The following TACC2 variants were observed in gnomAD, a reference collection of about 807,000 sequenced individuals.
The protein encoded by TACC2 is transforming acidic coiled-coil-containing protein 2.
Under a neutral mutation model 227.3 loss-of-function variants are expected in TACC2, and 137 were observed. The observed-to-expected ratio is 0.60, with a 90% CI of 0.52 to 0.69. The LOEUF (loss-of-function observed/expected upper bound fraction) is 0.69, where lower values mean the gene tolerates loss of function less well. Ranked by LOEUF, TACC2 falls within the 30% of genes least tolerant of loss-of-function variation. The probability of loss-of-function intolerance (pLI) is 0.00; values close to 1 mark genes in which losing one functional copy is unlikely to be tolerated. For synonymous variants in TACC2, 1,523 were observed against 1,487.5 expected, an observed-to-expected ratio of 1.02 and a Z score of -0.55; for missense variants, 3,470 against 3,694.4, an observed-to-expected ratio of 0.94 and a Z score of 1.57.
In TACC2 at chr10:122,050,156, G is replaced by T. The variant is rs2075512555; in HGVS notation, c.34-282G>T. On this transcript the variant is annotated intron_variant, in intron 2 of 22. Transcript: ENST00000369005. The surrounding 1 kb of genome is among the most constrained non-coding windows in gnomAD (Gnocchi z 4.6). ...GAGCAAGTGACCCCAAAGTGTGGTA[G>T]GTGTCCCCAGTTTTGGTTTTTCTAC... Among the ~76,000 whole-genome samples, 1 of 152,186 alleles carries T rather than the reference G, an allele frequency of 6.6e-6. No homozygotes were observed. The highest frequency in any genetic ancestry group is 6.5e-5 in the Admixed American group (1 of 15,282).
chr10:122,209,293 C>A lies in TACC2; in HGVS notation c.5972-1104C>A, dbSNP rs1277774364. Reference sequence around the variant, plus strand: ...GCCGGGGGCCTCCGTGTACAGGCTCCCCTGATCTTCACAGTGGCTCTGAGG... The same window carrying A: ...GCCGGGGGCCTCCGTGTACAGGCTCACCTGATCTTCACAGTGGCTCTGAGG... On this transcript the variant is annotated intron_variant, in intron 8 of 22. Transcript: ENST00000369005. The surrounding 1 kb of genome is among the most constrained non-coding windows in gnomAD (Gnocchi z 4.5). Among the ~76,000 whole-genome samples, 2 of 152,132 alleles carry A rather than the reference C, an allele frequency of 1.3e-5. No homozygotes were observed. Among genetic ancestry groups the A allele is most frequent in the African/African-American group, 4.8e-5 (2 of 41,424 alleles).
At chr10:122,023,252 A>T (rs1052507945) in intron 2 of TACC2, 2 of 151,778 alleles carry the variant, frequency 1.3e-5, no homozygotes, top group African/African-American at 4.8e-5. Context: ...CTGGTATCGA[A>T]CTCCTGACTT....
intron 8 of TACC2, among the ~76,000 whole-genome samples, chr10:122,196,780 C>A (rs186714690): frequency 6.6e-6 from 1 of 151,674 alleles, no homozygotes; most frequent in Non-Finnish European, 1.5e-5. Flanking sequence ...GTTAAAAATA[C>A]AAAAAATTAG....
At chr10:122,082,577 G>T in intron 3 of TACC2, 70 bp from the exon 4 acceptor site, 2 of 1,524,338 alleles carry the variant, frequency 1.3e-6, no homozygotes, top group African/African-American at 1.4e-5. Flanking sequence ...TGGGTTGGGG[G>T]GTGACCTGCC....
chr10:122,025,763 A>G (rs1020155676), intron 2 of TACC2, among the ~76,000 whole-genome samples: 6 of 149,334 alleles, frequency 4.0e-5, no homozygotes, highest in African/African-American at 1.5e-4. Flanking sequence ...TTTAGTAGAG[A>G]TGGGGTTTCA....
chr10:122,236,448 G>A (rs1288998080), intron 16 of TACC2, among the ~76,000 whole-genome samples: 1 of 152,252 alleles, frequency 6.6e-6, no homozygotes, highest in Non-Finnish European at 1.5e-5. Flanking sequence ...GACTGAGAGT[G>A]TGGTTGGTTT....
At chr10:122,115,701 G>T (rs1184157598) in intron 5 of TACC2, among the ~76,000 whole-genome samples, 3 of 152,170 alleles carry the variant, frequency 2.0e-5, no homozygotes. Flanking sequence ...GGAAGAGAAT[G>T]AGGGCTTGAT....
chr10:122,088,733 G>A (rs2080372284), intron 5 of TACC2, 142 bp downstream of exon 5: 1 of 1,541,150 alleles, frequency 6.5e-7, no homozygotes, highest in Non-Finnish European at 8.7e-7. Context: ...CCCGTTTTAT[G>A]TACAGGTACA....
At chr10:122,243,506 C>T (rs1340826143) in intron 19 of TACC2, among the ~76,000 whole-genome samples, 2 of 152,204 alleles carry the variant, frequency 1.3e-5, no homozygotes, top group African/African-American at 4.8e-5. Flanking sequence ...AAGTTCATTT[C>T]ACCCAGAAAA....
At chr10:122,250,815 T>C (rs1459302888) in intron 22 of TACC2, among the ~76,000 whole-genome samples, 1 of 152,046 alleles carries the variant, frequency 6.6e-6, no homozygotes, top group Non-Finnish European at 1.5e-5. Flanking sequence ...CTGAGGTCCA[T>C]ATCTGATACT....
chr10:122,072,882 G>T (rs2078246544), intron 3 of TACC2, among the ~76,000 whole-genome samples: 1 of 151,976 alleles, frequency 6.6e-6, no homozygotes, highest in East Asian at 1.9e-4. Flanking sequence ...GGGAGGCCAA[G>T]GAGGGCAGAT....
At chr10:122,132,860 A>G in intron 6 of TACC2, 126 bp downstream of exon 6, 1 of 971,016 alleles carries the variant, frequency 1.0e-6, no homozygotes, top group Non-Finnish European at 1.5e-6. Context: ...CCCTCTGCAC[A>G]CACACACAGG....
chr10:122,198,435 T>G (rs978207921), intron 8 of TACC2, among the ~76,000 whole-genome samples: 2 of 152,196 alleles, frequency 1.3e-5, no homozygotes, highest in African/African-American at 4.8e-5. Flanking sequence ...ACCGTGTTAT[T>G]AGAACTCAAA....
At chr10:122,189,715 C>G (rs1410286108) in intron 7 of TACC2, among the ~76,000 whole-genome samples, 1 of 152,196 alleles carries the variant, frequency 6.6e-6, no homozygotes, top group African/African-American at 2.4e-5. Flanking sequence ...GGAATTGTTT[C>G]TTGATAATCA....
At chr10:122,160,418 T>G (rs1033351216) in intron 7 of TACC2, among the ~76,000 whole-genome samples, 2 of 152,142 alleles carry the variant, frequency 1.3e-5, no homozygotes, top group Admixed American at 6.5e-5. Flanking sequence ...TTCTTCCAGT[T>G]CTGGAGGCTG....
chr10:122,214,221 T>G (rs1291918241), intron 9 of TACC2, among the ~76,000 whole-genome samples: 1 of 152,222 alleles, frequency 6.6e-6, no homozygotes, highest in African/African-American at 2.4e-5. Context: ...TTCTTGAGTA[T>G]TTTTGAGCCA....
intron 3 of TACC2, among the ~76,000 whole-genome samples, chr10:122,064,527 C>A (rs906637554): frequency 6.6e-6 from 1 of 152,148 alleles, no homozygotes; most frequent in Non-Finnish European, 1.5e-5. Context: ...CTACATTGAA[C>A]AAAACCACAT....
intron 7 of TACC2, among the ~76,000 whole-genome samples, chr10:122,164,731 C>T (rs1476226886): frequency 3.9e-5 from 6 of 152,170 alleles, no homozygotes. Flanking sequence ...ATGGGTCTGC[C>T]GGCCGGGTCG....
Position 122,230,324 on chromosome 10 carries a change from C to A in TACC2, c.8038-27C>A, listed in dbSNP as rs754456922. On this transcript the variant is annotated intron_variant, in intron 15 of 22. Transcript: ENST00000369005. ...ACGTCTGTCTTGATGCATTTCCCTG[C>A]GGTTTGCCCACACTCCCTGTGGGCA... The A allele has an allele frequency of 4.4e-6, 7 of 1,586,052 alleles. No individual in the cohort carries two copies. In the South Asian group the frequency reaches 7.7e-5, roughly 18 times the overall value.
Sources: allele counts gnomAD v4.1 joint callset (sites outside exome capture counted in the v4.1 genomes callset), GRCh38; gene constraint gnomAD v4.1.1; non-coding constraint Gnocchi (gnomAD v3.1); transcripts MANE v1.5; gene names NCBI Gene and HGNC (gene_info 2026-07-23, HGNC 2026-07-21).